The following TTF1 variants were observed in gnomAD, a reference collection of about 807,000 sequenced individuals.
The protein encoded by TTF1 is transcription termination factor, RNA polymerase I.
A neutral mutation model predicts 80.2 loss-of-function variants in TTF1; 64 were observed. The observed-to-expected ratio is 0.80, with a 90% CI of 0.65 to 0.98. The LOEUF (loss-of-function observed/expected upper bound fraction) is 0.98. TTF1 is among the 50% of genes least tolerant of loss of function. The probability of loss-of-function intolerance (pLI) is 0.00; values close to 1 mark genes in which losing one functional copy is unlikely to be tolerated. For missense variants in TTF1, 1,023 were observed against 1,086.2 expected, an observed-to-expected ratio of 0.94 and a Z score of 0.82; for synonymous variants, 372 against 382.7, an observed-to-expected ratio of 0.97 and a Z score of 0.33.
At position 132,401,691 on chromosome 9, in the gene TTF1, T is replaced by A. The variant is rs777508613; in HGVS notation, c.1131A>T (p.Lys377Asn). 4 of 1,614,254 alleles carry A rather than the reference T, an allele frequency of 2.5e-6. No individual in the cohort carries two copies. The highest frequency in any genetic ancestry group is 1.7e-5 in the Admixed American group (1 of 60,034). The change falls in exon 2 of 11, where the codon AAA becomes AAT. Residue 377 changes from lysine to asparagine, a missense_variant. Coordinates refer to ENST00000334270, the MANE Select transcript of TTF1 (RefSeq NM_007344.4). ...TTGTACTGTTGGATTCCTTGAACCC[T>A]TTAAGAGCTGTACTGCCTTCCACAG... ...VGTVEGSTAL[K>N]GFKESNSTKK...
intron 4 of TTF1, among the ~76,000 whole-genome samples, chr9:132,397,570 G>A (rs543439): frequency 0.76 from 115,907 of 152,148 alleles, 45,293 homozygotes; most frequent in Non-Finnish European, 0.86. Flanking sequence ...AGGAACAGGA[G>A]GAGAAACCAA....
chr9:132,389,243 C>T (rs958324971), intron 7 of TTF1, among the ~76,000 whole-genome samples: 2 of 145,770 alleles, frequency 1.4e-5, no homozygotes, highest in Admixed American at 7.0e-5. Flanking sequence ...AGTGCAATGG[C>T]GTGATCTCGG....
rs1395426731 is a variant in TTF1, at chr9:132,402,149, TTTTC to T, written c.669_672del (p.Lys224SerfsTer43). 1 of 1,614,020 alleles carries T rather than the reference TTTTC, an allele frequency of 6.2e-7. No homozygotes were observed. The highest frequency in any genetic ancestry group is 8.5e-7 in the Non-Finnish European group (1 of 1,180,002). On this transcript the variant is annotated frameshift_variant, in exon 2 of 11. Transcript: ENST00000334270. LOFTEE classifies it high-confidence loss of function. ...GTCTCATATTCCCGGTTACTGGACT[TTTTC>T]TTTTTTTTCTTAGACTTGTTTTTAT...
At position 132,390,447 on chromosome 9, in the gene TTF1, G is replaced by C. The variant is rs985536310; in HGVS notation, c.2222+150C>G. On this transcript the variant is annotated intron_variant, in intron 7 of 10. Transcript: ENST00000334270. ...GCTAGTTACGTGCTCATTTAAATCA[G>C]AGAGTGATATGGAAGCAGCTGGGGC... 9 of 678,572 alleles carry C rather than the reference G, an allele frequency of 1.3e-5. No individual in the cohort carries two copies. The African/African-American group carries it at 1.6e-4, about 12-fold the overall frequency. 42.0% of individuals were successfully genotyped at this position (678,572 alleles called of 1,614,324 possible). A position where few individuals can be genotyped will look rare whatever the true frequency, so the allele number is the denominator to read the frequency against.
At position 132,402,841 on chromosome 9, in the gene TTF1, G is replaced by C. The variant is rs1180865709; in HGVS notation, c.-7-13C>G. The C allele has an allele frequency of 6.4e-7, 1 of 1,557,928 alleles. No homozygotes were observed. On this transcript the variant is annotated splice_polypyrimidine_tract_variant and intron_variant, in intron 1 of 10. Transcript: ENST00000334270. ...TTCCATTTTATTCCTATATGGAAATGTGACAACAATGGTTTATTTTTGCTT... is the reference window on the plus strand; with the variant it reads ...TTCCATTTTATTCCTATATGGAAATCTGACAACAATGGTTTATTTTTGCTT...
chr9:132,390,138 C>G (rs776353112), intron 7 of TTF1, among the ~76,000 whole-genome samples: 3 of 151,966 alleles, frequency 2.0e-5, no homozygotes, highest in Admixed American at 6.6e-5. Context: ...AGCCACCACA[C>G]TTGGCTAATT....
At chr9:132,378,567 T>TGTGA (rs1849300208) in intron 10 of TTF1, among the ~76,000 whole-genome samples, 1 of 136,840 alleles carries the variant, frequency 7.3e-6, no homozygotes, top group Non-Finnish European at 1.5e-5. Flanking sequence ...ATGCATGTGG[T>TGTGA]GTGAGTGCAT....
intron 1 of TTF1, among the ~76,000 whole-genome samples, chr9:132,405,680 A>T (rs1369837911): frequency 1.3e-5 from 2 of 152,220 alleles, no homozygotes; most frequent in Non-Finnish European, 2.9e-5. Flanking sequence ...TAAAGTCAAA[A>T]TCCTCACAGA....
At chr9:132,387,503 GGAAACCCACAGT>G (rs1849490157) in intron 8 of TTF1, among the ~76,000 whole-genome samples, 1 of 54,366 alleles carries the variant, frequency 1.8e-5, no homozygotes, top group Non-Finnish European at 9.2e-5. Context: ...AAGAGGATCA[GGAAACCCACAGT>G]GAGCCTTAGG....
chr9:132,398,150 A>G lies in TTF1; in HGVS notation c.1768T>C (p.Leu590=). 6.3e-7 allele frequency: 1 copy of G among 1,584,198 alleles called. No individual in the cohort carries two copies. The highest frequency in any genetic ancestry group is 1.4e-5 in the African/African-American group (1 of 72,996). Residue 590 remains leucine, a synonymous_variant, in exon 4 of 11, where the codon TTA becomes CTA. Coordinates refer to ENST00000334270, the MANE Select transcript of TTF1 (RefSeq NM_007344.4). Reference sequence around the variant, plus strand: ...TTGTTTCTAAACTTACCAATGTGTAATCTAAACGAGTATCTCCTTTTTAAG... The same window carrying G: ...TTGTTTCTAAACTTACCAATGTGTAGTCTAAACGAGTATCTCCTTTTTAAG... ...TNLKRRYSFR[L]HIGRNIARPW... is the part of the protein sequence containing the mutation.
In TTF1 at chr9:132,392,168, TG is replaced by T. The variant is rs1459957844; in HGVS notation, c.1894del (p.His632IlefsTer46). 1 of 1,614,166 alleles carries T rather than the reference TG, an allele frequency of 6.2e-7. No homozygotes were observed. Among genetic ancestry groups the T allele is most frequent in the Non-Finnish European group, 8.5e-7 (1 of 1,180,036 alleles). ...CTTCCAGTCATTCCCAAGGAGAGAATGGTACATCTTTAACTTCTCAGTATCT... is the reference window on the plus strand; with the variant it reads ...CTTCCAGTCATTCCCAAGGAGAGAATGTACATCTTTAACTTCTCAGTATCT... ...EGDTEKLKMY[H>X]SLLGNDWKTI... On this transcript the variant is annotated frameshift_variant, in exon 6 of 11. Coordinates refer to ENST00000334270, the MANE Select transcript of TTF1 (RefSeq NM_007344.4). LOFTEE classifies it high-confidence loss of function.
At chr9:132,401,287 T>C (rs1330579145) in intron 2 of TTF1, among the ~76,000 whole-genome samples, 168 bp downstream of exon 2, 4 of 151,578 alleles carry the variant, frequency 2.6e-5, no homozygotes, top group Non-Finnish European at 5.9e-5. Context: ...GATTGCACCA[T>C]TGCACTCCAG....
intron 9 of TTF1, among the ~76,000 whole-genome samples, chr9:132,382,877 C>A (rs1458714843): frequency 6.6e-6 from 1 of 151,690 alleles, no homozygotes. Context: ...ACCAGCCTGG[C>A]CAACATGGTG....
intron 8 of TTF1, 129 bp from the exon 9 acceptor site, chr9:132,386,750 A>T: frequency 1.4e-6 from 1 of 695,418 alleles, no homozygotes; most frequent in Non-Finnish European, 2.5e-6. Flanking sequence ...CTCGTTACAC[A>T]TGCACAGTGA....
rs148555144 is a variant in TTF1, at chr9:132,380,221, C to G, written c.2379-1077G>C. ...AGTAGCTGGGATTACAGGTGCCCAC[C>G]ACCACGCCCAGCTAAATTTTTGTAT... is the stretch of plus-strand genomic sequence containing the variant. On this transcript the variant is annotated intron_variant, in intron 9 of 10. Transcript: ENST00000334270. Among the ~76,000 whole-genome samples, 886 of 152,240 alleles carry G rather than the reference C, an allele frequency of 5.8e-3. 9 individuals are homozygous for G. The highest frequency in any genetic ancestry group is 0.02 in the African/African-American group (818 of 41,536).
chr9:132,386,687 C>T lies in TTF1; in HGVS notation c.2313-66G>A, dbSNP rs374473942. On this transcript the variant is annotated intron_variant, in intron 8 of 10. Coordinates refer to ENST00000334270, the MANE Select transcript of TTF1 (RefSeq NM_007344.4). ...ATCATGATAGCCATCTTCATGGACG[C>T]GTGGAGTGCTGAGAGCTGGAAGGTA... 1.0e-4 allele frequency: 137 copies of T among 1,338,366 alleles called. No homozygotes were observed. The African/African-American group carries it at 1.7e-3, about 17-fold the overall frequency. 82.9% of individuals were successfully genotyped at this position (1,338,366 alleles called of 1,614,324 possible).
intron 9 of TTF1, among the ~76,000 whole-genome samples, chr9:132,381,696 C>T (rs1849374850): frequency 1.3e-5 from 2 of 152,142 alleles, no homozygotes; most frequent in South Asian, 4.1e-4. Context: ...GGGACCACGG[C>T]ATGTATCTGT....
At position 132,384,071 on chromosome 9, in the gene TTF1, T is replaced by C. The variant is rs993782554; in HGVS notation, c.2378+2485A>G. 1.3e-5 allele frequency among the ~76,000 whole-genome samples: 2 copies of C among 152,124 alleles called. No individual in the cohort carries two copies. The highest frequency in any genetic ancestry group is 4.8e-5 in the African/African-American group (2 of 41,428). On this transcript the variant is annotated intron_variant, in intron 9 of 10. Coordinates refer to ENST00000334270, the MANE Select transcript of TTF1 (RefSeq NM_007344.4). The surrounding 1 kb of genome is among the most constrained non-coding windows in gnomAD (Gnocchi z 4.1). Reference sequence around the variant, plus strand: ...ACTAAGGCTGCAAAGTATGTAAAATTTACCAAAACAGATAACAGTAATTGG... The same window carrying C: ...ACTAAGGCTGCAAAGTATGTAAAATCTACCAAAACAGATAACAGTAATTGG...
At chr9:132,387,298 C>T (rs140719490) in intron 8 of TTF1, among the ~76,000 whole-genome samples, 7 of 152,234 alleles carry the variant, frequency 4.6e-5, no homozygotes, top group African/African-American at 9.6e-5. Flanking sequence ...CCCTCCCCCC[C>T]CAATCTACAG....
Sources: gnomAD v4.1 joint callset for allele counts (sites outside exome capture counted in the v4.1 genomes callset) on GRCh38, gnomAD v4.1.1 for gene constraint, Gnocchi (gnomAD v3.1) non-coding constraint, MANE v1.5 for transcripts, NCBI Gene and HGNC (gene_info 2026-07-23, HGNC 2026-07-21) for gene names.